The following MYO9B variants were observed in gnomAD, a reference collection of about 807,000 sequenced individuals.
MYO9B encodes the protein myosin IXB, also known as unconventional myosin-IXb.
In MYO9B, 71 loss-of-function variants were observed where a neutral mutation model predicts 229.5. The ratio of observed to expected loss-of-function variants is 0.31; its 90% CI spans 0.26 to 0.38. The LOEUF is 0.38. Among genes scored for constraint, MYO9B ranks in the 10% least tolerant of loss-of-function variants. The pLI, the probability that MYO9B is intolerant of heterozygous loss-of-function variation, is 1.00. For synonymous variants in MYO9B, 1,185 were observed against 1,235.8 expected, an observed-to-expected ratio of 0.96 and a Z score of 0.86; for missense variants, 2,255 against 2,920.5, an observed-to-expected ratio of 0.77 and a Z score of 5.25.
intron 1 of MYO9B, among the ~76,000 whole-genome samples, chr19:17,085,652 C>T (rs1292678076): frequency 1.4e-5 from 2 of 142,558 alleles, no homozygotes; most frequent in Non-Finnish European, 1.5e-5. Context: ...AGGGAGATCC[C>T]GTCTTTAATA....
At chr19:17,202,335 G>A (rs1395364385) in intron 28 of MYO9B, 32 bp downstream of exon 28, 1 of 1,539,110 alleles carries the variant, frequency 6.5e-7, no homozygotes, top group Non-Finnish European at 8.8e-7. Context: ...GCCCACCTGT[G>A]ACATGCCACG....
intron 24 of MYO9B, among the ~76,000 whole-genome samples, chr19:17,199,900 T>G (rs1023610127): frequency 2.0e-5 from 3 of 150,364 alleles, no homozygotes; most frequent in Non-Finnish European, 4.4e-5. Context: ...AGTCTCACTC[T>G]GTCACCCAGG....
chr19:17,097,168 A>G (rs971896408), intron 1 of MYO9B, among the ~76,000 whole-genome samples: 2 of 151,802 alleles, frequency 1.3e-5, no homozygotes, highest in African/African-American at 2.4e-5. Context: ...CTAAAAACAC[A>G]AAATTAGCCG....
chr19:17,121,463 A>ATATATC (rs1030275525), intron 2 of MYO9B, among the ~76,000 whole-genome samples: 12 of 149,992 alleles, frequency 8.0e-5, no homozygotes, highest in African/African-American at 3.0e-4. Context: ...ATATATATAT[A>ATATATC]TCCAAGAGCT....
intron 3 of MYO9B, among the ~76,000 whole-genome samples, chr19:17,146,160 T>A (rs2145238798): frequency 1.3e-5 from 1 of 79,888 alleles, no homozygotes; most frequent in African/African-American, 7.2e-5. Context: ...GGTGGGTGGA[T>A]AGATGGATGG....
chr19:17,118,219 A>G (rs1273943163), intron 2 of MYO9B, among the ~76,000 whole-genome samples: 1 of 151,944 alleles, frequency 6.6e-6, no homozygotes, highest in East Asian at 1.9e-4. Context: ...GACCTGCTTT[A>G]GTTTAGAGGC....
chr19:17,086,173 C>T (rs904208913), intron 1 of MYO9B, among the ~76,000 whole-genome samples: 4 of 152,196 alleles, frequency 2.6e-5, no homozygotes, highest in African/African-American at 7.2e-5. Context: ...CGGGGCTCCC[C>T]TGTCGGACTT....
At chr19:17,188,769 TTG>T (rs1358731274) in intron 19 of MYO9B, among the ~76,000 whole-genome samples, 2 of 152,096 alleles carry the variant, frequency 1.3e-5, no homozygotes, top group Admixed American at 6.6e-5. Context: ...TCCCAACACT[TTG>T]GGAGGCCAAT....
chr19:17,158,593 TA>T (rs77913861), intron 7 of MYO9B, among the ~76,000 whole-genome samples: 751 of 137,564 alleles, frequency 5.5e-3, no homozygotes, highest in Admixed American at 5.3e-3. Context: ...AGACTCCATC[TA>T]AAAAAAAAAA....
At chr19:17,097,683 C>T (rs543021450) in intron 1 of MYO9B, among the ~76,000 whole-genome samples, 1 of 152,280 alleles carries the variant, frequency 6.6e-6, no homozygotes, top group African/African-American at 2.4e-5. Flanking sequence ...CATAAGTTAT[C>T]GTTTCTTTCA....
intron 6 of MYO9B, among the ~76,000 whole-genome samples, chr19:17,155,181 A>G (rs2072523166): frequency 6.6e-6 from 1 of 151,954 alleles, no homozygotes; most frequent in African/African-American, 2.4e-5. Flanking sequence ...TGCTTATGTT[A>G]CTACAATTTA....
In MYO9B at chr19:17,162,362, C is replaced by A; in HGVS notation, c.1432C>A (p.Arg478Ser). The A allele has an allele frequency of 6.3e-7, 1 of 1,577,140 alleles. No homozygotes were observed. The highest frequency in any genetic ancestry group is 2.3e-5 in the East Asian group (1 of 42,590). The change falls in exon 9 of 40, where the codon CGC becomes AGC. Residue 478 changes from arginine to serine, a missense_variant. Around this residue, in one of 7 missense-constraint regions of MYO9B, gnomAD observed 220 missense variants for 404.5 expected, o/e 0.54. Transcript: ENST00000682292. ...TCTGTGTCCACAGGCCATCACTGCCCGCGACTCCATGGCCAAGTCTCTGTA... is the reference window on the plus strand; with the variant it reads ...TCTGTGTCCACAGGCCATCACTGCCAGCGACTCCATGGCCAAGTCTCTGTA... ...PYSLSEAITA[R>S]DSMAKSLYSA...
Position 17,172,824 on chromosome 19 carries a change from C to G in MYO9B, c.2001C>G (p.Asp667Glu). The G allele has an allele frequency of 6.2e-7, 1 of 1,612,706 alleles. No homozygotes were observed. The highest frequency in any genetic ancestry group is 8.5e-7 in the Non-Finnish European group (1 of 1,179,872). Residue 667 changes from aspartate to glutamate, a missense_variant, in exon 13 of 40, where the codon GAC becomes GAG. Physicochemically the swap from Asp to Glu is conservative, Grantham distance 45. Coordinates refer to ENST00000682292, the MANE Select transcript of MYO9B (RefSeq NM_004145.4). This position sits in a 1 kb window ranked among gnomAD's most constrained non-coding sequence, Gnocchi z 8.2. ...TCGTGGCCCTGCTGCGGGGCAGTGACAGCTCCTACGTGCGGGAGCTCATCG... is the reference window on the plus strand; with the variant it reads ...TCGTGGCCCTGCTGCGGGGCAGTGAGAGCTCCTACGTGCGGGAGCTCATCG... ...PDIVALLRGS[D>E]SSYVRELIGM...
intron 16 of MYO9B, 87 bp from the exon 17 acceptor site, chr19:17,184,778 T>C: frequency 6.3e-7 from 1 of 1,575,090 alleles, no homozygotes; most frequent in East Asian, 2.3e-5. Context: ...GACGCTGTTC[T>C]GCCCTGGCTT....
At position 17,212,481 on chromosome 19, in the gene MYO9B, C is replaced by A; in HGVS notation, c.*171C>A. On this transcript the variant is annotated 3_prime_UTR_variant, in exon 40 of 40. Transcript: ENST00000682292. The surrounding 1 kb of genome is among the most constrained non-coding windows in gnomAD (Gnocchi z 5.4). Reference sequence around the variant, plus strand: ...GTGCAGAGTCAAGGCAGGGAGAGGCCGGCTGGAGCCAGGCCCCCTCGCACG... The same window carrying A: ...GTGCAGAGTCAAGGCAGGGAGAGGCAGGCTGGAGCCAGGCCCCCTCGCACG... 2 of 775,858 alleles carry A rather than the reference C, an allele frequency of 2.6e-6. No individual in the cohort carries two copies. Among genetic ancestry groups the A allele is most frequent in the Non-Finnish European group, 3.8e-6 (2 of 530,166 alleles). The allele number at this position is 775,858 out of a possible 1,614,324, so 48.1% of individuals were successfully genotyped here.
At chr19:17,159,820 A>G (rs1445735600) in intron 8 of MYO9B, among the ~76,000 whole-genome samples, 2 of 152,210 alleles carry the variant, frequency 1.3e-5, no homozygotes, top group Admixed American at 6.5e-5. Flanking sequence ...ATACCCATTC[A>G]TTTACATACC....
chr19:17,128,975 G>A (rs930387188), intron 2 of MYO9B, among the ~76,000 whole-genome samples: 4 of 152,162 alleles, frequency 2.6e-5, no homozygotes, highest in Admixed American at 1.3e-4. Context: ...TGGCCATACC[G>A]GTCACTCCTT....
At chr19:17,145,071 A>G (rs1688249484) in intron 2 of MYO9B, among the ~76,000 whole-genome samples, 2 of 151,980 alleles carry the variant, frequency 1.3e-5, no homozygotes, top group Non-Finnish European at 2.9e-5. Flanking sequence ...TGAACTCAGG[A>G]GTTCTACGTC....
At chr19:17,139,717 C>T (rs1056802321) in intron 2 of MYO9B, among the ~76,000 whole-genome samples, 8 of 152,110 alleles carry the variant, frequency 5.3e-5, no homozygotes, top group African/African-American at 4.8e-5. Context: ...CTAGCCTGGG[C>T]GACAGAGTGA....
Sources: allele counts gnomAD v4.1 joint callset (sites outside exome capture counted in the v4.1 genomes callset), GRCh38; gene constraint gnomAD v4.1.1; regional missense constraint gnomAD v4.1.1; non-coding constraint Gnocchi (gnomAD v3.1); transcripts MANE v1.5; gene names NCBI Gene and HGNC (gene_info 2026-07-23, HGNC 2026-07-21).